RIMS2: variants seen among roughly 807,000 people sequenced by gnomAD.
RIMS2 encodes regulating synaptic membrane exocytosis protein 2.
A neutral mutation model predicts 174.4 loss-of-function variants in RIMS2; 59 were observed. The ratio of observed to expected loss-of-function variants is 0.34; its 90% CI spans 0.27 to 0.42. RIMS2 has a LOEUF of 0.42. Ranked by LOEUF, RIMS2 falls within the 10% of genes least tolerant of loss-of-function variation. The pLI is 1.00. For synonymous variants in RIMS2, 606 were observed against 572.5 expected (o/e 1.06, Z -0.84); for missense variants, 1,620 against 1,666.3 (o/e 0.97, Z 0.48).
At chr8:103,991,640 T>C (rs565507948) in intron 17 of RIMS2, among the ~76,000 whole-genome samples, 2 of 152,252 alleles carry the variant, frequency 1.3e-5, no homozygotes, top group African/African-American at 4.8e-5. Context: ...GAGATAATAA[T>C]AGTAATTTAG....
intron 14 of RIMS2, among the ~76,000 whole-genome samples, chr8:103,949,875 G>T (rs1565481386): frequency 6.6e-6 from 1 of 152,086 alleles, no homozygotes; most frequent in Non-Finnish European, 1.5e-5. Flanking sequence ...CAATATAATT[G>T]ATAAGCCTTT....
chr8:103,985,030 A>G (rs755780867), intron 16 of RIMS2, among the ~76,000 whole-genome samples: 60 of 152,326 alleles, frequency 3.9e-4, no homozygotes, highest in Non-Finnish European at 8.5e-4. Flanking sequence ...GATGATTACC[A>G]GAGGCTGGGA....
intron 1 of RIMS2, among the ~76,000 whole-genome samples, chr8:103,546,907 C>T (rs1479222117): frequency 6.6e-6 from 1 of 152,170 alleles, no homozygotes; most frequent in African/African-American, 2.4e-5. Context: ...CAGGCTTTGG[C>T]AAACAAGGTA....
At chr8:103,753,195 T>G (rs148076765) in intron 2 of RIMS2, among the ~76,000 whole-genome samples, 17,568 of 152,104 alleles carry the variant, frequency 0.12, 1,341 homozygotes, top group Non-Finnish European at 0.17. Flanking sequence ...GAGATAATCA[T>G]GTGGTTTTTG....
At chr8:104,231,116 G>A (rs1296586122) in intron 19 of RIMS2, among the ~76,000 whole-genome samples, 1 of 151,914 alleles carries the variant, frequency 6.6e-6, no homozygotes, top group African/African-American at 2.4e-5. Context: ...TCCCATTCTC[G>A]TTGTCACCTT....
chr8:103,513,387 C>T (rs1827502810), intron 1 of RIMS2, among the ~76,000 whole-genome samples: 1 of 152,164 alleles, frequency 6.6e-6, no homozygotes, highest in Admixed American at 6.5e-5. Context: ...CACAAGTCCA[C>T]AATTCTGTAA....
At chr8:104,016,273 A>G (rs1050882960) in intron 19 of RIMS2, among the ~76,000 whole-genome samples, 3 of 152,106 alleles carry the variant, frequency 2.0e-5, no homozygotes, top group African/African-American at 7.2e-5. Flanking sequence ...CTCAAATAGT[A>G]TACAAAGTAC....
At chr8:104,141,226 C>T (rs908351160) in intron 19 of RIMS2, among the ~76,000 whole-genome samples, 8 of 151,938 alleles carry the variant, frequency 5.3e-5, no homozygotes, top group African/African-American at 9.7e-5. Context: ...TAAAGTAATA[C>T]GTTTAAAATT....
In RIMS2 at chr8:103,868,320, A is replaced by G. The variant is rs1223070302; in HGVS notation, c.699-16978A>G. Among the ~76,000 whole-genome samples, 7 of 152,062 alleles carry G rather than the reference A, an allele frequency of 4.6e-5. No individual in the cohort carries two copies. In the South Asian group the frequency reaches 1.0e-3, roughly 22 times the overall value. On this transcript the variant is annotated intron_variant, in intron 3 of 23. Transcript: ENST00000504942. Reference sequence around the variant, plus strand: ...TTTTCCTTGAACTTGGATTCTTTTGACTAGTCCAGAATGAACGTAAGGCAA... The same window carrying G: ...TTTTCCTTGAACTTGGATTCTTTTGGCTAGTCCAGAATGAACGTAAGGCAA...
intron 19 of RIMS2, among the ~76,000 whole-genome samples, chr8:104,197,470 C>T (rs1383875597): frequency 6.6e-6 from 1 of 152,164 alleles, no homozygotes; most frequent in African/African-American, 2.4e-5. Context: ...AGCCACTGTG[C>T]CTGGCCAACA....
intron 1 of RIMS2, among the ~76,000 whole-genome samples, chr8:103,675,040 A>G (rs2136469544): frequency 6.6e-6 from 1 of 152,308 alleles, no homozygotes; most frequent in African/African-American, 2.4e-5. Flanking sequence ...CCTCCTGAGT[A>G]GCGAGGATTA....
chr8:104,055,969 A>G (rs1412121530), intron 19 of RIMS2, among the ~76,000 whole-genome samples: 1 of 152,094 alleles, frequency 6.6e-6, no homozygotes, highest in African/African-American at 2.4e-5. Context: ...CTCTGCACAC[A>G]TACGAACATT....
chr8:104,016,999 A>C (rs997785846), intron 19 of RIMS2, among the ~76,000 whole-genome samples: 6 of 152,046 alleles, frequency 3.9e-5, no homozygotes, highest in East Asian at 1.9e-4. Context: ...AGAGGAGCCA[A>C]AACCTCCCTT....
chr8:104,095,436 T>C (rs1361591218), intron 19 of RIMS2, among the ~76,000 whole-genome samples: 5 of 152,056 alleles, frequency 3.3e-5, no homozygotes, highest in Non-Finnish European at 7.4e-5. Flanking sequence ...GATAAACTTC[T>C]GGAGAGGGAA....
intron 1 of RIMS2, among the ~76,000 whole-genome samples, chr8:103,516,582 A>G (rs555443909): frequency 2.6e-5 from 4 of 152,326 alleles, no homozygotes; most frequent in South Asian, 4.1e-4. Flanking sequence ...GGAAATACAA[A>G]CAATAAAAAG....
chr8:103,821,399 A>G (rs1420092384), intron 3 of RIMS2, among the ~76,000 whole-genome samples: 1 of 151,524 alleles, frequency 6.6e-6, no homozygotes, highest in Non-Finnish European at 1.5e-5. Context: ...ACTACCAATT[A>G]CTCGATAAGT....
chr8:104,038,404 T>C (rs2096554380), intron 19 of RIMS2, among the ~76,000 whole-genome samples: 2 of 151,976 alleles, frequency 1.3e-5, no homozygotes, highest in African/African-American at 2.4e-5. Flanking sequence ...GGAATACTTT[T>C]ACTATCCTTA....
chr8:103,978,685 T>C (rs2093650228), intron 16 of RIMS2, among the ~76,000 whole-genome samples: 1 of 152,196 alleles, frequency 6.6e-6, no homozygotes, highest in South Asian at 2.1e-4. Flanking sequence ...TATAAAGAGC[T>C]TTTAAAGATA....
intron 19 of RIMS2, among the ~76,000 whole-genome samples, chr8:104,206,430 T>C (rs1335417667): frequency 6.6e-6 from 1 of 152,218 alleles, no homozygotes; most frequent in Non-Finnish European, 1.5e-5. Flanking sequence ...TTTGTAGATG[T>C]ATATCATGGG....
Sources: allele counts gnomAD v4.1 joint callset (sites outside exome capture counted in the v4.1 genomes callset), GRCh38; gene constraint gnomAD v4.1.1; transcripts MANE v1.5; gene names NCBI Gene and HGNC (gene_info 2026-07-23, HGNC 2026-07-21).